Variants in HEATR5A observed in about 807,000 individuals in gnomAD.
HEATR5A encodes HEAT repeat-containing protein 5A.
HEATR5A carries 178 observed loss-of-function variants against 218.8 expected under a neutral mutation model. The ratio of observed to expected loss-of-function variants is 0.81; its 90% CI spans 0.72 to 0.92. The LOEUF (loss-of-function observed/expected upper bound fraction) is 0.92, where lower values mean the gene tolerates loss of function less well. Among genes scored for constraint, HEATR5A ranks in the 40% least tolerant of loss-of-function variants. The pLI is 0.00. For missense variants in HEATR5A, 2,420 were observed against 2,418.9 expected (o/e 1.00, Z -0.01); for synonymous variants, 864 against 871.6 (o/e 0.99, Z 0.15).
In HEATR5A at chr14:31,369,865, C is replaced by T. The variant is rs114096651; in HGVS notation, c.1961+1945G>A. Among the ~76,000 whole-genome samples the T allele has an allele frequency of 8.6e-3, 1,284 of 148,834 alleles. 15 individuals carry two copies. The highest frequency in any genetic ancestry group is 0.03 in the African/African-American group (1,197 of 40,214). ...ATCTCTTGAACGGGGACCCGGGAGA[C>T]GGAGGTTGCTGTGACCGGAGATCGC... On this transcript the variant is annotated intron_variant, in intron 13 of 35. Coordinates refer to ENST00000543095, the MANE Select transcript of HEATR5A (RefSeq NM_015473.4).
chr14:31,359,117 T>G, intron 14 of HEATR5A, 60 bp from the exon 15 acceptor site: 1 of 1,516,162 alleles, frequency 6.6e-7, no homozygotes, highest in Non-Finnish European at 8.8e-7. Flanking sequence ...GAGTATGGGA[T>G]TTAAAACTCA....
chr14:31,327,211 GT>G (rs1337207848), intron 22 of HEATR5A, among the ~76,000 whole-genome samples: 4 of 150,560 alleles, frequency 2.7e-5, no homozygotes, highest in African/African-American at 9.7e-5. Flanking sequence ...CTGACCTCAA[GT>G]GATCCACCCA....
chr14:31,354,773 TA>T (rs1311285544), intron 16 of HEATR5A, among the ~76,000 whole-genome samples: 2 of 152,186 alleles, frequency 1.3e-5, no homozygotes, highest in African/African-American at 4.8e-5. Context: ...GTACACACAG[TA>T]TACACAAAAC....
At chr14:31,416,054 G>A (rs1353749602) in intron 1 of HEATR5A, among the ~76,000 whole-genome samples, 1 of 151,566 alleles carries the variant, frequency 6.6e-6, no homozygotes, top group Non-Finnish European at 1.5e-5. Flanking sequence ...GGGTTCAAAC[G>A]ATTCTCCCAC....
chr14:31,329,444 G>A (rs747475417), intron 22 of HEATR5A, among the ~76,000 whole-genome samples: 1 of 152,184 alleles, frequency 6.6e-6, no homozygotes, highest in Non-Finnish European at 1.5e-5. Context: ...AAATTGGGCT[G>A]CAGTCCCCAC....
rs769390330 is a variant in HEATR5A, at chr14:31,326,206, GGA to G, written c.3502_3503del (p.Ser1168ProfsTer7). The G allele has an allele frequency of 5.0e-6, 8 of 1,613,178 alleles. No homozygotes were observed. Among genetic ancestry groups the G allele is most frequent in the Non-Finnish European group, 6.8e-6 (8 of 1,179,402 alleles). ...CATCTTTACAAAGCTTTAACCACAGGGAGAGTTTTTCCACTGCCATAGATGTA... is the reference window on the plus strand; with the variant it reads ...CATCTTTACAAAGCTTTAACCACAGGGAGTTTTTCCACTGCCATAGATGTA... ...MLTSMAVEKL[S>X]LWLKLCKDVL... On this transcript the variant is annotated frameshift_variant, in exon 23 of 36. Transcript: ENST00000543095. LOFTEE classifies it high-confidence loss of function.
intron 1 of HEATR5A, among the ~76,000 whole-genome samples, chr14:31,416,605 C>T (rs2031458562): frequency 2.7e-5 from 4 of 149,876 alleles, no homozygotes; most frequent in Non-Finnish European, 1.5e-5. Flanking sequence ...TGTGTTGTTA[C>T]CATTAAAAAA....
intron 14 of HEATR5A, among the ~76,000 whole-genome samples, chr14:31,362,269 T>C (rs1396451666): frequency 6.6e-6 from 1 of 152,052 alleles, no homozygotes; most frequent in African/African-American, 2.4e-5. Flanking sequence ...GTACCTGGCC[T>C]AGAGTTTGTT....
At chr14:31,408,808 G>A (rs985162482) in intron 1 of HEATR5A, among the ~76,000 whole-genome samples, 1 of 150,958 alleles carries the variant, frequency 6.6e-6, no homozygotes, top group Admixed American at 6.6e-5. Context: ...TAGGGCCAGA[G>A]TTTTCTTTTC....
intron 22 of HEATR5A, among the ~76,000 whole-genome samples, chr14:31,336,363 A>C (rs1464573698): frequency 6.6e-6 from 1 of 150,818 alleles, no homozygotes; most frequent in Non-Finnish European, 1.5e-5. Flanking sequence ...CAAAGTGCTG[A>C]GATTACAAGC....
chr14:31,334,607 T>C (rs1289215001), intron 22 of HEATR5A, among the ~76,000 whole-genome samples: 1 of 152,212 alleles, frequency 6.6e-6, no homozygotes, highest in African/African-American at 2.4e-5. Flanking sequence ...TAATCTTTCA[T>C]GAAAGGAAGT....
Position 31,371,866 on chromosome 14 carries a change from C to A in HEATR5A, c.1905G>T (p.Glu635Asp). ...GTGGAAGAAGACGCTGAGTTACTTCCTCAGTAAGAAGATCACCACAGTGGG... is the reference window on the plus strand; with the variant it reads ...GTGGAAGAAGACGCTGAGTTACTTCATCAGTAAGAAGATCACCACAGTGGG... ...FVSHCGDLLT[E>D]EVTQRLLPPL... The change falls in exon 13 of 36, where the codon GAG (glutamate) becomes GAT (aspartate). Residue 635 changes from glutamate (E) to aspartate (D), a missense_variant. Coordinates refer to ENST00000543095, the MANE Select transcript of HEATR5A (RefSeq NM_015473.4). The A allele has an allele frequency of 6.4e-7, 1 of 1,553,638 alleles. No individual in the cohort carries two copies.
intron 1 of HEATR5A, among the ~76,000 whole-genome samples, chr14:31,412,057 T>C (rs1007018652): frequency 6.6e-6 from 1 of 151,814 alleles, no homozygotes; most frequent in African/African-American, 2.4e-5. Context: ...GGTTTCACCA[T>C]GTTGACCAGG....
chr14:31,419,702 C>G (rs965742723), intron 1 of HEATR5A, among the ~76,000 whole-genome samples: 2 of 152,204 alleles, frequency 1.3e-5, no homozygotes, highest in Admixed American at 6.5e-5. Flanking sequence ...AGAAAATTAT[C>G]CCAACTTGCC....
At chr14:31,345,780 T>C (rs960386463) in intron 19 of HEATR5A, among the ~76,000 whole-genome samples, 1 of 152,362 alleles carries the variant, frequency 6.6e-6, no homozygotes, top group Non-Finnish European at 1.5e-5. Context: ...GGTAGTTAAC[T>C]AGAAGACAGT....
rs901801764 is a variant in HEATR5A, at chr14:31,345,132, G to A, written c.3013C>T (p.Arg1005Cys). Reference protein sequence around the residue: ...THAEVHQSLGRCLNALITTLG... With the variant: ...THAEVHQSLGCCLNALITTLG... ...GTGGTAATAAGGGCATTCAAACAGC[G>A]ACCAAGGCTTTGGTGAACTTCAGCA... The change falls in exon 20 of 36, where the codon CGC becomes TGC. Residue 1005 changes from arginine (R) to cysteine (C), a missense_variant. Coordinates refer to ENST00000543095, the MANE Select transcript of HEATR5A (RefSeq NM_015473.4). The A allele has an allele frequency of 5.0e-6, 8 of 1,613,786 alleles. No individual in the cohort carries two copies. In the Admixed American group the frequency reaches 5.0e-5, roughly 10 times the overall value.
chr14:31,347,497 C>T (rs945669643), intron 19 of HEATR5A, among the ~76,000 whole-genome samples: 1 of 152,172 alleles, frequency 6.6e-6, no homozygotes, highest in Non-Finnish European at 1.5e-5. Flanking sequence ...GTGCGTGAGC[C>T]ACCACTTCTA....
intron 1 of HEATR5A, among the ~76,000 whole-genome samples, chr14:31,411,510 G>A (rs760427731): frequency 6.6e-6 from 1 of 152,170 alleles, no homozygotes; most frequent in Non-Finnish European, 1.5e-5. Flanking sequence ...AGTACTTTGT[G>A]GAATGCTGCC....
chr14:31,371,221 C>T (rs1226258314), intron 13 of HEATR5A, among the ~76,000 whole-genome samples: 2 of 152,198 alleles, frequency 1.3e-5, no homozygotes, highest in African/African-American at 4.8e-5. Context: ...TCTGGTCCTT[C>T]AGAAGAAACA....
Sources: gnomAD v4.1 joint callset for allele counts (sites outside exome capture counted in the v4.1 genomes callset) on GRCh38, gnomAD v4.1.1 for gene constraint, MANE v1.5 for transcripts, NCBI Gene and HGNC (gene_info 2026-07-23, HGNC 2026-07-21) for gene names.